H2BC4: variants seen among roughly 807,000 people sequenced by gnomAD.
H2BC4 encodes histone H2B type 1-C/E/F/G/I.
In H2BC4, 10 loss-of-function variants were observed where a neutral mutation model predicts 6.2. The observed-to-expected ratio is 1.61, with a 90% CI of 0.99 to 2.73. The LOEUF (loss-of-function observed/expected upper bound fraction) is 2.73. Ranked by LOEUF, H2BC4 falls within the 30% of genes most tolerant of loss-of-function variation. The pLI is 0.00. For synonymous variants in H2BC4, 146 were observed against 70.7 expected, an observed-to-expected ratio of 2.07 and a Z score of -5.35; for missense variants, 176 against 168.7, an observed-to-expected ratio of 1.04 and a Z score of -0.24.
At chr6:26,119,254 G>A (rs1039642638), downstream of H2BC4, among the ~76,000 whole-genome samples, 1 of 152,194 alleles carries the variant, frequency 6.6e-6, no homozygotes, top group African/African-American at 2.4e-5. Context: ...CTAAAGTGGC[G>A]AAAGCAACAG....
downstream of H2BC4, chr6:26,123,212 G>GA (rs1763531774): frequency 2.4e-6 from 1 of 423,588 alleles, no homozygotes; most frequent in African/African-American, 2.0e-5. Flanking sequence ...AGCTGGGTCT[G>GA]AAACCTAAGC....
At chr6:26,114,737 A>G (rs1164663193), downstream of H2BC4, 2 of 151,952 alleles carry the variant, frequency 1.3e-5, no homozygotes, top group African/African-American at 4.8e-5. Context: ...TAAATTATAC[A>G]TCCATAAAAA....
chr6:26,123,627 C>T lies in H2BC4; in HGVS notation c.278G>A (p.Arg93Lys), dbSNP rs762631658. Residue 93 changes from arginine to lysine, a missense_variant, in exon 1 of 1, where the codon AGG becomes AAG. Coordinates refer to ENST00000396984, the MANE Select transcript of H2BC4 (RefSeq NM_003526.3). ...HYNKRSTITSREIQTAVRLLL... is the reference protein window; with the variant it reads ...HYNKRSTITSKEIQTAVRLLL... ...CAGGCGCACGGCCGTCTGGATCTCC[C>T]TGGAGGTGATGGTCGAGCGCTTGTT... The T allele has an allele frequency of 1.2e-6, 2 of 1,614,284 alleles. No individual in the cohort carries two copies. Among genetic ancestry groups the T allele is most frequent in the Non-Finnish European group, 1.7e-6 (2 of 1,180,056 alleles).
chr6:26,121,644 G>T (rs1446083049), downstream of H2BC4, among the ~76,000 whole-genome samples: 1 of 152,020 alleles, frequency 6.6e-6, no homozygotes, highest in Non-Finnish European at 1.5e-5. Flanking sequence ...GGCGGGGAAA[G>T]AATACTGAAT....
rs146067456 is a variant in H2BC4, at chr6:26,123,857, C to T, written c.48G>A (p.Lys16=). The T allele has an allele frequency of 3.7e-5, 59 of 1,614,108 alleles. No individual in the cohort carries two copies. The highest frequency in any genetic ancestry group is 5.3e-5 in the African/African-American group (4 of 74,948). ...KSAPAPKKGS[K]KAVTKAQKKD... ...TCTTCTGCGCTTTGGTCACTGCCTT[C>T]TTGGAGCCCTTCTTCGGGGCGGGAG... Residue 16 remains lysine (K), a synonymous_variant, in exon 1 of 1, where the codon AAG becomes AAA. Transcript: ENST00000396984.
At position 26,123,681 on chromosome 6, in the gene H2BC4, G is replaced by T. The variant is rs781600734; in HGVS notation, c.224C>A (p.Ala75Glu). The T allele has an allele frequency of 2.5e-6, 4 of 1,614,262 alleles. No homozygotes were observed. The highest frequency in any genetic ancestry group is 3.4e-6 in the Non-Finnish European group (4 of 1,180,048). ...ATGCGCCAGGCGGGAAGCCTCGCCC[G>T]CGATGCGCTCAAATATGTCGTTAAC... The part of the protein sequence containing the change: ...SFVNDIFERI[A>E]GEASRLAHYN... Residue 75 changes from alanine to glutamate, a missense_variant, in exon 1 of 1, where the codon GCG (alanine) becomes GAG (glutamate). Transcript: ENST00000396984.
chr6:26,121,958 CAGG>C (rs1561954488), downstream of H2BC4, among the ~76,000 whole-genome samples: 4 of 150,222 alleles, frequency 2.7e-5, no homozygotes, highest in East Asian at 7.8e-4. Flanking sequence ...GAGGCTGAGG[CAGG>C]AGAATGGCTT....
At position 26,123,572 on chromosome 6, in the gene H2BC4, G is replaced by C. The variant is rs896772556; in HGVS notation, c.333C>G (p.Ala111=). ...LLLPGELAKH[A]VSEGTKAVTK... The stretch of plus-strand genomic sequence containing the variant: ...TGACGGCCTTGGTGCCCTCCGACAC[G>C]GCGTGCTTGGCCAGCTCTCCGGGAA... Residue 111 remains alanine (A), a synonymous_variant, in exon 1 of 1, where the codon GCC becomes GCG. Coordinates refer to ENST00000396984, the MANE Select transcript of H2BC4 (RefSeq NM_003526.3). The C allele has an allele frequency of 1.9e-6, 3 of 1,614,258 alleles. No individual in the cohort carries two copies. The highest frequency in any genetic ancestry group is 2.2e-5 in the South Asian group (2 of 91,086).
downstream of H2BC4, chr6:26,123,356 C>T (rs1273551790): frequency 9.9e-6 from 12 of 1,210,364 alleles, no homozygotes; most frequent in South Asian, 8.1e-5. Flanking sequence ...ACCCTTTGTC[C>T]CTCTCTAAGC....
intron 1 of H2BC4, among the ~76,000 whole-genome samples, chr6:26,115,541 A>G (rs571186951): frequency 6.6e-6 from 1 of 152,354 alleles, no homozygotes; most frequent in African/African-American, 2.4e-5. Context: ...AAATTTATCC[A>G]GTGAGGAAAA....
At chr6:26,121,012 A>C (rs995983793), downstream of H2BC4, among the ~76,000 whole-genome samples, 8 of 152,194 alleles carry the variant, frequency 5.3e-5, no homozygotes, top group African/African-American at 1.9e-4. Flanking sequence ...TTTTATATTC[A>C]TATCATCTTA....
chr6:26,122,454 T>C (rs1228264268), downstream of H2BC4, among the ~76,000 whole-genome samples: 1 of 152,236 alleles, frequency 6.6e-6, no homozygotes, highest in Non-Finnish European at 1.5e-5. Flanking sequence ...TTAAAATCTT[T>C]ACCTGGAAAA....
rs776510779 is a variant in H2BC4 at position 26,123,710 on chromosome 6, A to T, written c.195T>A (p.Ser65=). ...TGCGCTCAAATATGTCGTTAACGAA[A>T]GAATTCATGATGCCCATGGCCTTGG... is the stretch of plus-strand genomic sequence containing the variant. ...ISSKAMGIMN[S]FVNDIFERIA... is the part of the protein sequence containing the mutation. The change falls in exon 1 of 1, where the codon TCT becomes TCA. Residue 65 remains serine, a synonymous_variant. Coordinates refer to ENST00000396984, the MANE Select transcript of H2BC4 (RefSeq NM_003526.3). 1 of 1,614,270 alleles carries T rather than the reference A, an allele frequency of 6.2e-7. No homozygotes were observed. Among genetic ancestry groups the T allele is most frequent in the Non-Finnish European group, 8.5e-7 (1 of 1,180,046 alleles).
intron 1 of H2BC4, among the ~76,000 whole-genome samples, chr6:26,115,462 C>T (rs998617040): frequency 2.6e-5 from 4 of 152,174 alleles, no homozygotes; most frequent in African/African-American, 7.2e-5. Context: ...AATGTCTGTA[C>T]GCTCTTAAAA....
rs1396624468 is a variant in H2BC4 at position 26,123,508 on chromosome 6, C to T, written c.*16G>A. The T allele has an allele frequency of 6.2e-7, 1 of 1,614,174 alleles. No individual in the cohort carries two copies. Among genetic ancestry groups the T allele is most frequent in the South Asian group, 1.1e-5 (1 of 91,084 alleles). On this transcript the variant is annotated 3_prime_UTR_variant, in exon 1 of 1. Transcript: ENST00000396984. ...GAGCCTTTGGGGTTAGGTGTTAAGACGCTTACTTGGAATGTTTACTTGGAG... is the reference window on the plus strand; with the variant it reads ...GAGCCTTTGGGGTTAGGTGTTAAGATGCTTACTTGGAATGTTTACTTGGAG...
At chr6:26,119,200 A>G (rs1241717388), downstream of H2BC4, among the ~76,000 whole-genome samples, 2 of 152,178 alleles carry the variant, frequency 1.3e-5, no homozygotes, top group Non-Finnish European at 2.9e-5. Flanking sequence ...CAAAACCTGC[A>G]TGGTCCTCTA....
chr6:26,116,078 T>A (rs147537767), intron 1 of H2BC4, among the ~76,000 whole-genome samples: 124 of 152,280 alleles, frequency 8.1e-4, no homozygotes, highest in African/African-American at 2.9e-3. Flanking sequence ...TGAATCCAAT[T>A]CTTTTACCAT....
chr6:26,122,144 G>C (rs1190491548), downstream of H2BC4, among the ~76,000 whole-genome samples: 1 of 151,970 alleles, frequency 6.6e-6, no homozygotes, highest in Non-Finnish European at 1.5e-5. Context: ...AAGTTATCTA[G>C]GCAAGGCAGC....
downstream of H2BC4, among the ~76,000 whole-genome samples, chr6:26,118,764 C>T (rs116594669): frequency 1.3e-5 from 2 of 152,114 alleles, no homozygotes; most frequent in African/African-American, 4.8e-5. Flanking sequence ...TAGTGTATTT[C>T]TCAGTGAGAT....
Sources: gnomAD v4.1 joint callset for allele counts (sites outside exome capture counted in the v4.1 genomes callset) on GRCh38, gnomAD v4.1.1 for gene constraint, MANE v1.5 for transcripts, NCBI Gene and HGNC (gene_info 2026-07-23, HGNC 2026-07-21) for gene names.